RAPGEF2: variants seen among roughly 807,000 people sequenced by gnomAD.
RAPGEF2 encodes the protein Rap guanine nucleotide exchange factor 2, also known as PDZ domain containing guanine nucleotide exchange factor (GEF) 1.
In RAPGEF2, 54 loss-of-function variants were observed where a neutral mutation model predicts 186.7. That is an observed-to-expected ratio of 0.29 (90% CI 0.23 to 0.36). RAPGEF2 has a LOEUF of 0.36. Ranked by LOEUF, RAPGEF2 falls within the 10% of genes least tolerant of loss-of-function variation. The pLI, the probability that RAPGEF2 is intolerant of heterozygous loss-of-function variation, is 1.00. For synonymous variants in RAPGEF2, 712 were observed against 705.9 expected, an observed-to-expected ratio of 1.01 and a Z score of -0.14; for missense variants, 1,532 against 2,045.0, an observed-to-expected ratio of 0.75 and a Z score of 4.84.
At chr4:159,331,049 G>A (rs547616266) in intron 13 of RAPGEF2, among the ~76,000 whole-genome samples, 1 of 152,226 alleles carries the variant, frequency 6.6e-6, no homozygotes, top group African/African-American at 2.4e-5. Context: ...AGGCTTAATA[G>A]CATTGATTCT....
chr4:159,128,913 A>G (rs1446193838), intron 1 of RAPGEF2: 1 of 128,256 alleles, frequency 7.8e-6, no homozygotes, highest in Admixed American at 7.6e-5. Context: ...ATATATATAC[A>G]TATGGGGGGT....
intron 7 of RAPGEF2, among the ~76,000 whole-genome samples, chr4:159,245,883 C>T (rs1468329470): frequency 6.6e-6 from 1 of 152,094 alleles, no homozygotes; most frequent in Admixed American, 6.6e-5. Context: ...TGTGTCCCAA[C>T]TGACATTTCA....
At chr4:159,202,668 CT>C (rs1561080895) in intron 3 of RAPGEF2, among the ~76,000 whole-genome samples, 1 of 152,156 alleles carries the variant, frequency 6.6e-6, no homozygotes, top group African/African-American at 2.4e-5. Flanking sequence ...GTGGCATGAT[CT>C]TGGCCCACTG....
chr4:159,107,581 C>T (rs975147447), intron 1 of RAPGEF2, among the ~76,000 whole-genome samples: 3 of 151,986 alleles, frequency 2.0e-5, no homozygotes, highest in Admixed American at 1.3e-4. Flanking sequence ...TAAAATAACC[C>T]CCACCCCATC....
intron 7 of RAPGEF2, among the ~76,000 whole-genome samples, chr4:159,293,186 G>A (rs1211243590): frequency 6.6e-6 from 1 of 152,136 alleles, no homozygotes. Flanking sequence ...TGGGAAATAA[G>A]TGAGAGCATA....
At chr4:159,319,076 G>T (rs1438734925) in intron 9 of RAPGEF2, among the ~76,000 whole-genome samples, 2 of 151,968 alleles carry the variant, frequency 1.3e-5, no homozygotes, top group African/African-American at 2.4e-5. Context: ...TCCATCCCAG[G>T]CTCTGAATTC....
At chr4:159,268,322 G>GTA in intron 7 of RAPGEF2, 3 of 928,634 alleles carry the variant, frequency 3.2e-6, no homozygotes, top group Non-Finnish European at 5.1e-6. Flanking sequence ...TTTGTAGAAG[G>GTA]TATAGTAGTC....
chr4:159,193,289 C>T, intron 3 of RAPGEF2, 33 bp downstream of exon 3: 2 of 1,343,784 alleles, frequency 1.5e-6, no homozygotes, highest in Non-Finnish European at 2.0e-6. Context: ...TACAATGTAT[C>T]TAATCCAGTG....
intron 4 of RAPGEF2, among the ~76,000 whole-genome samples, chr4:159,214,967 A>G (rs916300995): frequency 1.3e-5 from 2 of 152,116 alleles, no homozygotes; most frequent in African/African-American, 4.8e-5. Context: ...CGTTCAAGCA[A>G]TTATTGTGCC....
At chr4:159,233,154 T>A (rs1398544361) in intron 4 of RAPGEF2, among the ~76,000 whole-genome samples, 1 of 152,228 alleles carries the variant, frequency 6.6e-6, no homozygotes, top group African/African-American at 2.4e-5. Context: ...AGTTTTTAAT[T>A]TTGATGAAAT....
chr4:159,330,460 T>C lies in RAPGEF2; in HGVS notation c.1429T>C (p.Leu477=). ...LSSPMEVGKK[L]LEWFNDPSLR... ...TAGCCCAATGGAAGTGGGCAAAAAG[T>C]TATTGGAGTGGTTTAATGACCCGAG... Residue 477 remains leucine (L), a synonymous_variant, in exon 13 of 30, where the codon TTA becomes CTA. Coordinates refer to ENST00000691494, the MANE Select transcript of RAPGEF2 (RefSeq NM_001394067.2). 1 of 1,606,998 alleles carries C rather than the reference T, an allele frequency of 6.2e-7. No homozygotes were observed. The highest frequency in any genetic ancestry group is 1.1e-5 in the South Asian group (1 of 89,250).
chr4:159,183,968 A>G lies in RAPGEF2; in HGVS notation c.70-2674A>G, dbSNP rs573957302. Among the ~76,000 whole-genome samples, 3 of 152,062 alleles carry G rather than the reference A, an allele frequency of 2.0e-5. No homozygotes were observed. In the South Asian group the frequency reaches 6.2e-4, roughly 32 times the overall value. ...CAAGTGTTCTCATTGTTCAGTTCCCACCTGTGAGTGAGAACGTGTGGTGTT... is the reference window on the plus strand; with the variant it reads ...CAAGTGTTCTCATTGTTCAGTTCCCGCCTGTGAGTGAGAACGTGTGGTGTT... On this transcript the variant is annotated intron_variant, in intron 1 of 29. Transcript: ENST00000691494.
At chr4:159,342,046 T>C in intron 20 of RAPGEF2, 99 bp downstream of exon 20, 1 of 1,179,696 alleles carries the variant, frequency 8.5e-7, no homozygotes, top group Non-Finnish European at 1.2e-6. Flanking sequence ...ATGCTATAGG[T>C]TTTAATTGAC....
chr4:159,304,812 G>A (rs546435007), intron 8 of RAPGEF2, among the ~76,000 whole-genome samples: 1 of 152,090 alleles, frequency 6.6e-6, no homozygotes, highest in Admixed American at 6.6e-5. Context: ...CATGGTGCCC[G>A]TTAAGTAATT....
At position 159,243,869 on chromosome 4, in the gene RAPGEF2, A is replaced by C. The variant is rs916264294; in HGVS notation, c.543+78A>C. On this transcript the variant is annotated intron_variant, in intron 7 of 29. Transcript: ENST00000691494. ...TTTGCACTGTTACTAATGAATTTAT[A>C]ATATTCATATGTTTTGCTTCGTCTT... 6 of 1,010,810 alleles carry C rather than the reference A, an allele frequency of 5.9e-6. No individual in the cohort carries two copies. In the African/African-American group the frequency reaches 1.0e-4, roughly 17 times the overall value. 62.6% of individuals were successfully genotyped at this position (1,010,810 alleles called of 1,614,324 possible).
chr4:159,268,566 C>A (rs1219605543), intron 7 of RAPGEF2, among the ~76,000 whole-genome samples: 1 of 152,054 alleles, frequency 6.6e-6, no homozygotes, highest in Non-Finnish European at 1.5e-5. Flanking sequence ...GAGAAATCAT[C>A]AGAAAGGTTA....
chr4:159,352,567 T>G, intron 26 of RAPGEF2, 118 bp from the exon 27 acceptor site: 1 of 739,146 alleles, frequency 1.4e-6, no homozygotes, highest in South Asian at 1.8e-5. Flanking sequence ...AATGGGGTTT[T>G]TCTCCCCACT....
chr4:159,346,905 C>A lies in RAPGEF2; in HGVS notation c.3619C>A (p.Pro1207Thr). Reference protein sequence around the residue: ...SLPQPQQQPPPAHKINQGLQV... With the variant: ...SLPQPQQQPPTAHKINQGLQV... ...GCCACAGCCCCAGCAGCAGCCACCA[C>A]CAGCACATAAAATCAACCAGGGACT... The change falls in exon 25 of 30, where the codon CCA becomes ACA. Residue 1207 changes from proline to threonine, a missense_variant. This residue lies in a region of RAPGEF2 where 594 missense variants were observed against 608.5 expected (regional missense o/e 0.98). Transcript: ENST00000691494. 6.2e-7 allele frequency: 1 copy of A among 1,614,178 alleles called. No individual in the cohort carries two copies. The highest frequency in any genetic ancestry group is 1.1e-5 in the South Asian group (1 of 91,078).
intron 7 of RAPGEF2, among the ~76,000 whole-genome samples, chr4:159,285,107 T>C (rs1215863714): frequency 6.6e-6 from 1 of 152,184 alleles, no homozygotes; most frequent in Non-Finnish European, 1.5e-5. Flanking sequence ...TCTATTACTT[T>C]TTTTATGTTC....
Sources: gnomAD v4.1 joint callset for allele counts (sites outside exome capture counted in the v4.1 genomes callset) on GRCh38, gnomAD v4.1.1 for gene constraint, gnomAD v4.1.1 regional missense constraint, MANE v1.5 for transcripts, NCBI Gene and HGNC (gene_info 2026-07-23, HGNC 2026-07-21) for gene names.